The following NR3C2 variants were observed in gnomAD, a reference collection of about 807,000 sequenced individuals.
The protein encoded by NR3C2 is mineralocorticoid receptor.
Under a neutral mutation model 86.4 loss-of-function variants are expected in NR3C2, and 15 were observed. The observed-to-expected ratio is 0.17, with a 90% confidence interval of 0.12 to 0.27. The LOEUF (loss-of-function observed/expected upper bound fraction) is 0.27, where lower values mean the gene tolerates loss of function less well. Ranked by LOEUF, NR3C2 falls within the 10% of genes least tolerant of loss-of-function variation. The pLI, the probability that NR3C2 is intolerant of heterozygous loss-of-function variation, is 1.00. For synonymous variants in NR3C2, 458 were observed against 450.5 expected, an observed-to-expected ratio of 1.02 and a Z score of -0.21; for missense variants, 960 against 1,195.6, an observed-to-expected ratio of 0.80 and a Z score of 2.91.
chr4:148,143,780 T>C (rs1263095429), intron 6 of NR3C2, among the ~76,000 whole-genome samples: 2 of 151,068 alleles, frequency 1.3e-5, no homozygotes, highest in African/African-American at 4.9e-5. Flanking sequence ...ACCCCATCTC[T>C]ACTAAAAAAA....
intron 3 of NR3C2, among the ~76,000 whole-genome samples, chr4:148,204,673 C>T (rs1463509092): frequency 6.6e-6 from 1 of 152,144 alleles, no homozygotes; most frequent in Admixed American, 6.6e-5. Context: ...CAAAATGGTG[C>T]AGAAACAGAA....
At chr4:148,310,134 C>T (rs534370920) in intron 2 of NR3C2, among the ~76,000 whole-genome samples, 1 of 152,248 alleles carries the variant, frequency 6.6e-6, no homozygotes, top group South Asian at 2.1e-4. Context: ...AAGATACTTC[C>T]TCCTAAACTA....
At chr4:148,199,297 A>C (rs1291214988) in intron 3 of NR3C2, among the ~76,000 whole-genome samples, 2 of 152,056 alleles carry the variant, frequency 1.3e-5, no homozygotes, top group Admixed American at 1.3e-4. Context: ...AAAGCTGGCA[A>C]GGATATGAGC....
chr4:148,136,072 A>AC (rs1403903013), intron 6 of NR3C2, among the ~76,000 whole-genome samples: 4 of 43,404 alleles, frequency 9.2e-5, no homozygotes. Context: ...AAAAAAAAAA[A>AC]AAAACAAAAA....
chr4:148,385,857 C>T (rs1233241054), intron 2 of NR3C2, among the ~76,000 whole-genome samples: 2 of 152,174 alleles, frequency 1.3e-5, no homozygotes, highest in African/African-American at 2.4e-5. Context: ...CATTCCTTCC[C>T]ATCATTACTC....
intron 3 of NR3C2, among the ~76,000 whole-genome samples, chr4:148,244,197 G>A (rs1178239331): frequency 6.6e-6 from 1 of 152,106 alleles, no homozygotes; most frequent in Admixed American, 6.6e-5. Flanking sequence ...TAAACAGTGC[G>A]CCCTTTATCT....
intron 2 of NR3C2, among the ~76,000 whole-genome samples, chr4:148,407,231 C>A (rs1748470894): frequency 6.6e-6 from 1 of 152,128 alleles, no homozygotes; most frequent in African/African-American, 2.4e-5. Flanking sequence ...ACACAGTACT[C>A]AAAGTCACAG....
At chr4:148,096,710 A>C (rs541414844) in intron 8 of NR3C2, among the ~76,000 whole-genome samples, 19 of 152,234 alleles carry the variant, frequency 1.2e-4, no homozygotes, top group Non-Finnish European at 2.5e-4. Context: ...AATCCAAAGA[A>C]TAATATTTTG....
intron 4 of NR3C2, among the ~76,000 whole-genome samples, chr4:148,174,926 T>C (rs1323558818): frequency 6.6e-6 from 1 of 152,198 alleles, no homozygotes; most frequent in East Asian, 1.9e-4. Context: ...AGCATTTAAA[T>C]GTACAGCTTA....
intron 4 of NR3C2, among the ~76,000 whole-genome samples, chr4:148,163,672 CTT>C (rs1165197870): frequency 6.9e-6 from 1 of 144,206 alleles, no homozygotes; most frequent in Non-Finnish European, 1.5e-5. Context: ...AAAAAACACT[CTT>C]TGGTTTCTTG....
intron 2 of NR3C2, among the ~76,000 whole-genome samples, chr4:148,262,683 T>A (rs998387240): frequency 2.0e-5 from 3 of 152,174 alleles, no homozygotes; most frequent in Admixed American, 2.0e-4. Context: ...GAGGTCATAC[T>A]GGAATAGGGT....
intron 4 of NR3C2, among the ~76,000 whole-genome samples, chr4:148,171,995 G>C (rs1735150233): frequency 6.6e-6 from 1 of 152,200 alleles, no homozygotes; most frequent in East Asian, 1.9e-4. Context: ...TAATTTAGTT[G>C]ATAATCCCTG....
chr4:148,298,843 C>A (rs1742189433), intron 2 of NR3C2, among the ~76,000 whole-genome samples: 1 of 152,190 alleles, frequency 6.6e-6, no homozygotes, highest in South Asian at 2.1e-4. Flanking sequence ...AATAAGCAAC[C>A]TGTACCTACT....
chr4:148,298,811 T>A (rs1010254972), intron 2 of NR3C2, among the ~76,000 whole-genome samples: 1 of 152,268 alleles, frequency 6.6e-6, no homozygotes, highest in African/African-American at 2.4e-5. Flanking sequence ...AAGGCTTTCA[T>A]ATTTAAAACA....
intron 2 of NR3C2, among the ~76,000 whole-genome samples, chr4:148,324,692 A>T (rs777788576): frequency 6.6e-6 from 1 of 152,204 alleles, no homozygotes; most frequent in Non-Finnish European, 1.5e-5. Flanking sequence ...CACCAAAAAA[A>T]CCCCAAACTG....
intron 2 of NR3C2, among the ~76,000 whole-genome samples, chr4:148,313,631 G>A (rs1442178609): frequency 6.6e-6 from 1 of 152,150 alleles, no homozygotes; most frequent in Non-Finnish European, 1.5e-5. Context: ...GGGAAAATGG[G>A]TCCCAGCTTT....
chr4:148,147,369 C>T (rs1247179229), intron 6 of NR3C2, among the ~76,000 whole-genome samples: 2 of 152,212 alleles, frequency 1.3e-5, no homozygotes, highest in Non-Finnish European at 2.9e-5. Context: ...TCATAAACTT[C>T]ACACTTCATC....
chr4:148,156,037 G>T (rs1436255266), intron 4 of NR3C2, among the ~76,000 whole-genome samples: 1 of 152,070 alleles, frequency 6.6e-6, no homozygotes, highest in African/African-American at 2.4e-5. Context: ...AATAACTGGT[G>T]CTGGGAAAAC....
At chr4:148,365,523 T>A (rs1439240100) in intron 2 of NR3C2, among the ~76,000 whole-genome samples, 1 of 152,196 alleles carries the variant, frequency 6.6e-6, no homozygotes, top group Non-Finnish European at 1.5e-5. Flanking sequence ...ATTATGTTTC[T>A]TAAGTATCAT....
Sources: allele counts gnomAD v4.1 joint callset (sites outside exome capture counted in the v4.1 genomes callset), GRCh38; gene constraint gnomAD v4.1.1; transcripts MANE v1.5; gene names NCBI Gene and HGNC (gene_info 2026-07-23, HGNC 2026-07-21).